Variants in B3GALT1 observed in about 807,000 individuals in gnomAD.
B3GALT1 encodes the protein beta-1,3-galactosyltransferase 1.
Under a neutral mutation model 23.2 loss-of-function variants are expected in B3GALT1, and 10 were observed. The observed-to-expected ratio is 0.43, with a 90% confidence interval of 0.27 to 0.73. The LOEUF is 0.73. Ranked by LOEUF, B3GALT1 falls within the 30% of genes least tolerant of loss-of-function variation. The probability of loss-of-function intolerance (pLI) is 0.21; values close to 1 mark genes in which losing one functional copy is unlikely to be tolerated. For missense variants in B3GALT1, 299 were observed against 405.4 expected, an observed-to-expected ratio of 0.74 and a Z score of 2.25; for synonymous variants, 156 against 141.5, an observed-to-expected ratio of 1.10 and a Z score of -0.73.
At chr2:167,349,644 A>C (rs1052716675) in intron 1 of B3GALT1, among the ~76,000 whole-genome samples, 1 of 152,202 alleles carries the variant, frequency 6.6e-6, no homozygotes, top group Non-Finnish European at 1.5e-5. Context: ...GCCACAGTGC[A>C]TGATAAGTAT....
chr2:167,696,784 T>G (rs757015830), intron 3 of B3GALT1, among the ~76,000 whole-genome samples: 5 of 152,156 alleles, frequency 3.3e-5, no homozygotes, highest in Non-Finnish European at 5.9e-5. Context: ...CTATAGATAT[T>G]GACACTTCCA....
At chr2:167,342,813 C>T (rs993001586) in intron 1 of B3GALT1, among the ~76,000 whole-genome samples, 2 of 152,080 alleles carry the variant, frequency 1.3e-5, no homozygotes, top group Admixed American at 6.6e-5. Flanking sequence ...GTCATGGGGA[C>T]ACCTTTTTCT....
chr2:167,779,928 A>G (rs1345577782), intron 3 of B3GALT1, among the ~76,000 whole-genome samples: 1 of 152,202 alleles, frequency 6.6e-6, no homozygotes, highest in Non-Finnish European at 1.5e-5. Flanking sequence ...TTGATATAAC[A>G]TATCCTAAAA....
chr2:167,327,980 A>G (rs568813256), intron 1 of B3GALT1, among the ~76,000 whole-genome samples: 9 of 152,320 alleles, frequency 5.9e-5, no homozygotes, highest in African/African-American at 2.2e-4. Flanking sequence ...TGAGATGACC[A>G]TGTAATTTCC....
intron 4 of B3GALT1, among the ~76,000 whole-genome samples, chr2:167,867,098 T>C (rs1189681715): frequency 1.3e-5 from 2 of 152,274 alleles, no homozygotes; most frequent in East Asian, 3.9e-4. Context: ...GGCTAATTTT[T>C]TGTATTTTTA....
Position 167,642,996 on chromosome 2 carries a change from A to C in B3GALT1, c.-409-3913A>C, listed in dbSNP as rs114018056. On this transcript the variant is annotated intron_variant, in intron 2 of 4. Transcript: ENST00000392690. ...CAACAAAAAAACTAAGACCATAGTT[A>C]TGTGTAAGGATGTAAAGAACCTGCC... 1.5e-3 allele frequency among the ~76,000 whole-genome samples: 234 copies of C among 152,322 alleles called. 2 individuals carry two copies. Among genetic ancestry groups the C allele is most frequent in the African/African-American group, 5.2e-3 (215 of 41,566 alleles).
At chr2:167,844,320 A>G (rs1290065481) in intron 4 of B3GALT1, among the ~76,000 whole-genome samples, 1 of 152,172 alleles carries the variant, frequency 6.6e-6, no homozygotes, top group African/African-American at 2.4e-5. Context: ...TTAGCTCCAG[A>G]TCGACTGCAA....
At chr2:167,413,229 A>C (rs1427570663) in intron 1 of B3GALT1, among the ~76,000 whole-genome samples, 1 of 152,042 alleles carries the variant, frequency 6.6e-6, no homozygotes, top group Non-Finnish European at 1.5e-5. Context: ...AACATAAGAC[A>C]TTATATTGAT....
At chr2:167,382,899 A>G (rs1170943707) in intron 1 of B3GALT1, among the ~76,000 whole-genome samples, 1 of 152,130 alleles carries the variant, frequency 6.6e-6, no homozygotes, top group Non-Finnish European at 1.5e-5. Context: ...TTCCTTATAT[A>G]TTTACTGAAA....
In B3GALT1 at chr2:167,870,302, G is replaced by A. The variant is rs187063252; in HGVS notation, c.*282G>A. The A allele has an allele frequency of 1.2e-4, 32 of 270,484 alleles. No homozygotes were observed. The highest frequency in any genetic ancestry group is 6.6e-4 in the South Asian group (5 of 7,572). 16.8% of individuals were successfully genotyped at this position (270,484 alleles called of 1,614,324 possible). A position where few individuals can be genotyped will look rare whatever the true frequency, so the allele number is the denominator to read the frequency against. Reference sequence around the variant, plus strand: ...AAACAACTCTTAGGATTGACGTACCGTGCATCTGAGATAAAAATTTGGTTC... The same window carrying A: ...AAACAACTCTTAGGATTGACGTACCATGCATCTGAGATAAAAATTTGGTTC... On this transcript the variant is annotated 3_prime_UTR_variant, in exon 5 of 5. Transcript: ENST00000392690.
intron 3 of B3GALT1, among the ~76,000 whole-genome samples, chr2:167,792,680 C>T (rs1688456806): frequency 6.6e-6 from 1 of 152,030 alleles, no homozygotes; most frequent in African/African-American, 2.4e-5. Context: ...CAGTAAGACA[C>T]TGTTAAGGAA....
chr2:167,549,188 G>C (rs990860786), intron 2 of B3GALT1, among the ~76,000 whole-genome samples: 4 of 152,168 alleles, frequency 2.6e-5, no homozygotes, highest in African/African-American at 9.7e-5. Context: ...ATTTATAACA[G>C]TTAAAAATAG....
intron 3 of B3GALT1, among the ~76,000 whole-genome samples, chr2:167,704,387 A>G (rs970820019): frequency 4.6e-5 from 7 of 152,162 alleles, no homozygotes; most frequent in Non-Finnish European, 7.4e-5. Context: ...GTAAAGGAAA[A>G]AGTGAAAATG....
chr2:167,641,427 T>C (rs1037630155), intron 2 of B3GALT1, among the ~76,000 whole-genome samples: 22 of 152,172 alleles, frequency 1.4e-4, no homozygotes, highest in Non-Finnish European at 2.6e-4. Context: ...TATTAATATT[T>C]CCTGCCACAG....
intron 3 of B3GALT1, among the ~76,000 whole-genome samples, chr2:167,648,312 A>T (rs1182414659): frequency 6.6e-6 from 1 of 152,152 alleles, no homozygotes; most frequent in Non-Finnish European, 1.5e-5. Context: ...AACTTCGTTG[A>T]TCTAGTCCCA....
In B3GALT1 at chr2:167,514,435, C is replaced by G. The variant is rs147792775; in HGVS notation, c.-410+24158C>G. Among the ~76,000 whole-genome samples, 33 of 152,176 alleles carry G rather than the reference C, an allele frequency of 2.2e-4. 1 individual carries two copies. In the East Asian group the frequency reaches 6.2e-3, roughly 28 times the overall value. On this transcript the variant is annotated intron_variant, in intron 2 of 4. Coordinates refer to ENST00000392690, the MANE Select transcript of B3GALT1 (RefSeq NM_020981.4). ...ACAGCTGTAATATCCTACAAGAGAA[C>G]AGGAAGAATATCCCTTCTCTGTCTT...
intron 2 of B3GALT1, among the ~76,000 whole-genome samples, chr2:167,539,703 C>A (rs1302085858): frequency 6.6e-6 from 1 of 151,858 alleles, no homozygotes; most frequent in Non-Finnish European, 1.5e-5. Context: ...CTAAAAATAG[C>A]CTTCTTTCTA....
intron 2 of B3GALT1, among the ~76,000 whole-genome samples, chr2:167,587,981 A>G (rs1307639700): frequency 1.3e-5 from 2 of 152,220 alleles, no homozygotes; most frequent in African/African-American, 4.8e-5. Flanking sequence ...ACACAGGCTC[A>G]TTTGATGGAA....
chr2:167,673,236 G>A (rs992210716), intron 3 of B3GALT1, among the ~76,000 whole-genome samples: 7 of 152,016 alleles, frequency 4.6e-5, no homozygotes, highest in African/African-American at 1.4e-4. Context: ...AAACAGGAAA[G>A]TTAATTAAAA....
Sources: allele counts gnomAD v4.1 joint callset (sites outside exome capture counted in the v4.1 genomes callset), GRCh38; gene constraint gnomAD v4.1.1; transcripts MANE v1.5; gene names NCBI Gene and HGNC (gene_info 2026-07-23, HGNC 2026-07-21).